Variants in DNAH14 observed in about 807,000 individuals in gnomAD.
DNAH14 encodes dynein axonemal heavy chain 14.
DNAH14 carries 478 observed loss-of-function variants against 520.9 expected under a neutral mutation model. The ratio of observed to expected loss-of-function variants is 0.92; its 90% CI spans 0.85 to 0.99. DNAH14 has a LOEUF of 0.99. Among genes scored for constraint, DNAH14 ranks in the 50% least tolerant of loss-of-function variants. The probability of loss-of-function intolerance (pLI) is 0.00; values close to 1 mark genes in which losing one functional copy is unlikely to be tolerated. For synonymous variants in DNAH14, 1,581 were observed against 1,757.2 expected (o/e 0.90, Z 2.51); for missense variants, 4,831 against 5,234.5 (o/e 0.92, Z 2.38).
intron 12 of DNAH14, among the ~76,000 whole-genome samples, chr1:225,042,286 C>T (rs2067547392): frequency 6.6e-6 from 1 of 152,102 alleles, no homozygotes; most frequent in Non-Finnish European, 1.5e-5. Context: ...TAATTGAGAA[C>T]CCAAGCCCAG....
chr1:224,951,190 T>G lies in DNAH14; in HGVS notation c.-33-1480T>G, dbSNP rs542508019. 9.9e-5 allele frequency among the ~76,000 whole-genome samples: 15 copies of G among 152,246 alleles called. No homozygotes were observed. In the South Asian group the frequency reaches 2.9e-3, roughly 29 times the overall value. ...ACAGGCATGCACCACCACTCCTGGC[T>G]AATTTTTGTATTTTTAGTAGAGGCG... On this transcript the variant is annotated intron_variant, in intron 1 of 85. Coordinates refer to ENST00000682510, the MANE Select transcript of DNAH14 (RefSeq NM_001367479.1).
intron 10 of DNAH14, among the ~76,000 whole-genome samples, chr1:225,022,188 C>A (rs1164384805): frequency 1.3e-5 from 2 of 151,936 alleles, no homozygotes; most frequent in East Asian, 3.9e-4. Context: ...GGACATCAAC[C>A]TTGACAAAGA....
Position 224,971,554 on chromosome 1 carries a change from T to A in DNAH14, c.768-2537T>A, listed in dbSNP as rs145148388. ...GATAATAATAGGTAAATAAATAATTTCAGATAGTGATGAGGCCTAGAAATA... is the reference window on the plus strand; with the variant it reads ...GATAATAATAGGTAAATAAATAATTACAGATAGTGATGAGGCCTAGAAATA... On this transcript the variant is annotated intron_variant, in intron 7 of 85. Transcript: ENST00000682510. Among the ~76,000 whole-genome samples the A allele has an allele frequency of 1.1e-4, 16 of 152,286 alleles. No individual in the cohort carries two copies. In the South Asian group the frequency reaches 2.1e-3, roughly 20 times the overall value.
At chr1:225,266,515 G>T (rs2093125185) in intron 48 of DNAH14, 126 bp from the exon 49 acceptor site, 1 of 564,588 alleles carries the variant, frequency 1.8e-6, no homozygotes, top group Non-Finnish European at 2.8e-6. Context: ...TATTACATAT[G>T]ATTTTGTGCT....
At chr1:225,319,893 C>T (rs1467017676) in intron 61 of DNAH14, among the ~76,000 whole-genome samples, 1 of 152,112 alleles carries the variant, frequency 6.6e-6, no homozygotes, top group Non-Finnish European at 1.5e-5. Flanking sequence ...CAGAAATGTG[C>T]TTCTTGGGTT....
chr1:225,051,356 A>T, intron 16 of DNAH14, 95 bp from the exon 17 acceptor site: 1 of 897,490 alleles, frequency 1.1e-6, no homozygotes, highest in Non-Finnish European at 1.6e-6. Context: ...ACATAGCACT[A>T]TTATTTTATT....
chr1:225,074,640 G>T (rs1400348420), intron 17 of DNAH14, among the ~76,000 whole-genome samples: 1 of 152,144 alleles, frequency 6.6e-6, no homozygotes, highest in African/African-American at 2.4e-5. Flanking sequence ...CAGTTTGGAG[G>T]TCTTGCCAAA....
chr1:224,940,202 G>C lies in DNAH14; in HGVS notation c.-34+10367G>C, dbSNP rs1442087530. Among the ~76,000 whole-genome samples the C allele has an allele frequency of 3.9e-5, 6 of 152,176 alleles. No individual in the cohort carries two copies. In the East Asian group the frequency reaches 1.2e-3, roughly 29 times the overall value. On this transcript the variant is annotated intron_variant, in intron 1 of 85. Coordinates refer to ENST00000682510, the MANE Select transcript of DNAH14 (RefSeq NM_001367479.1). ...GGTCATGGTCATCTCAGGGTAGTCA[G>C]ATTTCCCACATAGTGCTTAGCTTTA...
At chr1:225,176,256 T>A (rs2083321042) in intron 36 of DNAH14, among the ~76,000 whole-genome samples, 1 of 152,194 alleles carries the variant, frequency 6.6e-6, no homozygotes. Flanking sequence ...ATTTGTACAA[T>A]TTCCAAAGTT....
intron 75 of DNAH14, among the ~76,000 whole-genome samples, chr1:225,361,897 C>G (rs16844803): frequency 0.19 from 28,242 of 152,164 alleles, 3,002 homozygotes; most frequent in East Asian, 0.35. Context: ...TATATAATTT[C>G]TCTTTTTCAC....
chr1:225,202,995 T>TG (rs1358791382), intron 38 of DNAH14, among the ~76,000 whole-genome samples: 2 of 152,226 alleles, frequency 1.3e-5, no homozygotes, highest in African/African-American at 4.8e-5. Flanking sequence ...GGTGTGTGTT[T>TG]GGGGGTGGAT....
At chr1:225,312,734 T>C (rs771294677) in intron 60 of DNAH14, among the ~76,000 whole-genome samples, 6 of 152,240 alleles carry the variant, frequency 3.9e-5, no homozygotes, top group Non-Finnish European at 8.8e-5. Context: ...TCTGTTAATG[T>C]GATGGATTAT....
chr1:225,126,007 A>C (rs1201142281), intron 27 of DNAH14, among the ~76,000 whole-genome samples: 3 of 152,166 alleles, frequency 2.0e-5, no homozygotes, highest in Admixed American at 2.0e-4. Flanking sequence ...GGGAATGACT[A>C]TTTGGTGAAG....
At chr1:225,350,905 T>G (rs1187772617) in intron 71 of DNAH14, among the ~76,000 whole-genome samples, 1 of 152,220 alleles carries the variant, frequency 6.6e-6, no homozygotes, top group East Asian at 1.9e-4. Context: ...AGCATTATTC[T>G]GATACTAAAG....
intron 42 of DNAH14, among the ~76,000 whole-genome samples, chr1:225,238,700 T>C (rs576576951): frequency 6.6e-6 from 1 of 151,750 alleles, no homozygotes; most frequent in African/African-American, 2.4e-5. Flanking sequence ...GGACTCTCCA[T>C]AGCTGGCAGG....
intron 38 of DNAH14, among the ~76,000 whole-genome samples, chr1:225,197,306 C>G (rs549646800): frequency 4.4e-4 from 67 of 151,058 alleles, no homozygotes; most frequent in Non-Finnish European, 8.8e-4. Context: ...GTGTCCTTTC[C>G]CCATTTTATG....
chr1:225,262,411 T>G (rs2092965318), intron 46 of DNAH14, among the ~76,000 whole-genome samples: 1 of 152,068 alleles, frequency 6.6e-6, no homozygotes, highest in Non-Finnish European at 1.5e-5. Flanking sequence ...TCATAAATTC[T>G]TTGCCTAGGC....
chr1:225,294,134 A>C (rs896245901), intron 55 of DNAH14, among the ~76,000 whole-genome samples: 1 of 152,008 alleles, frequency 6.6e-6, no homozygotes, highest in Non-Finnish European at 1.5e-5. Flanking sequence ...ATTTATTGAG[A>C]GTTTTTATCA....
chr1:225,310,001 A>G, intron 60 of DNAH14, among the ~76,000 whole-genome samples: 1 of 151,910 alleles, frequency 6.6e-6, no homozygotes, highest in East Asian at 1.9e-4. Flanking sequence ...CATTGTGCAC[A>G]TGTACCCTAA....
Sources: gnomAD v4.1 joint callset for allele counts (sites outside exome capture counted in the v4.1 genomes callset) on GRCh38, gnomAD v4.1.1 for gene constraint, MANE v1.5 for transcripts, NCBI Gene and HGNC (gene_info 2026-07-23, HGNC 2026-07-21) for gene names.